Variants in DOCK2 observed in about 807,000 individuals in gnomAD.
The protein encoded by DOCK2 is dedicator of cytokinesis 2, also known as dedicator of cytokinesis protein 2.
Under a neutral mutation model 248.9 loss-of-function variants are expected in DOCK2, and 87 were observed. That is an observed-to-expected ratio of 0.35 (90% CI 0.29 to 0.42). The LOEUF (loss-of-function observed/expected upper bound fraction) is 0.42, where lower values mean the gene tolerates loss of function less well. Ranked by LOEUF, DOCK2 falls within the 10% of genes least tolerant of loss-of-function variation. The probability of loss-of-function intolerance (pLI) is 1.00; values close to 1 mark genes in which losing one functional copy is unlikely to be tolerated. For missense variants in DOCK2, 1,747 were observed against 2,300.2 expected, an observed-to-expected ratio of 0.76 and a Z score of 4.92; for synonymous variants, 805 against 821.6, an observed-to-expected ratio of 0.98 and a Z score of 0.35.
At chr5:169,759,808 G>A in intron 24 of DOCK2, 33 bp downstream of exon 24, 1 of 1,612,782 alleles carries the variant, frequency 6.2e-7, no homozygotes, top group Non-Finnish European at 8.5e-7. Context: ...CTTGGGCTCT[G>A]CTGGCAAGCT....
chr5:169,981,298 G>A (rs1777928234), intron 27 of DOCK2, among the ~76,000 whole-genome samples: 2 of 152,126 alleles, frequency 1.3e-5, no homozygotes, highest in South Asian at 2.1e-4. Context: ...CCACTAGAAC[G>A]AAATTGTAAA....
intron 2 of DOCK2, among the ~76,000 whole-genome samples, chr5:169,668,885 A>G (rs1205978358): frequency 6.6e-6 from 1 of 152,168 alleles, no homozygotes; most frequent in African/African-American, 2.4e-5. Flanking sequence ...GAAGGCAGGA[A>G]TTGAAAGCAT....
intron 46 of DOCK2, 71 bp downstream of exon 46, chr5:170,069,291 C>A: frequency 6.6e-7 from 1 of 1,516,912 alleles, no homozygotes; most frequent in Non-Finnish European, 9.1e-7. Context: ...ACTTGCCCCA[C>A]GCTAGGCTCT....
At chr5:169,693,506 T>C (rs1357794883) in intron 9 of DOCK2, among the ~76,000 whole-genome samples, 1 of 152,136 alleles carries the variant, frequency 6.6e-6, no homozygotes, top group Non-Finnish European at 1.5e-5. Flanking sequence ...ATAGATGCGA[T>C]GTCTAAAGAT....
chr5:170,057,717 C>T, intron 44 of DOCK2, 51 bp downstream of exon 44: 1 of 1,485,478 alleles, frequency 6.7e-7, no homozygotes, highest in Non-Finnish European at 9.1e-7. Context: ...ATGGGCAGGG[C>T]ACAGCCAGTC....
At chr5:170,015,650 G>C (rs1437501640) in intron 32 of DOCK2, among the ~76,000 whole-genome samples, 1 of 152,050 alleles carries the variant, frequency 6.6e-6, no homozygotes, top group Non-Finnish European at 1.5e-5. Flanking sequence ...TGAAATCCAG[G>C]GAGTCGTAAC....
chr5:169,805,872 G>A (rs1481070626), intron 26 of DOCK2, among the ~76,000 whole-genome samples: 1 of 152,198 alleles, frequency 6.6e-6, no homozygotes, highest in African/African-American at 2.4e-5. Context: ...GCCTCTGAGT[G>A]CAGTGCTCTT....
chr5:169,670,938 TG>T, intron 4 of DOCK2, 139 bp from the exon 5 acceptor site: 1 of 661,012 alleles, frequency 1.5e-6, no homozygotes, highest in Non-Finnish European at 2.6e-6. Flanking sequence ...ATAATGTAGT[TG>T]GTGTGGCTAT....
At chr5:169,772,481 G>A (rs553942682) in intron 25 of DOCK2, among the ~76,000 whole-genome samples, 7 of 152,248 alleles carry the variant, frequency 4.6e-5, no homozygotes, top group African/African-American at 9.6e-5. Context: ...AGCAACTGAC[G>A]TTTATTGACT....
chr5:169,961,557 A>T (rs1777086016), intron 27 of DOCK2, among the ~76,000 whole-genome samples: 1 of 152,232 alleles, frequency 6.6e-6, no homozygotes, highest in Non-Finnish European at 1.5e-5. Context: ...GACTAAGCAG[A>T]CATTTCTCTG....
intron 27 of DOCK2, among the ~76,000 whole-genome samples, chr5:169,967,291 G>C (rs139668745): frequency 6.6e-6 from 1 of 152,196 alleles, no homozygotes; most frequent in African/African-American, 2.4e-5. Context: ...TTTCAAATAC[G>C]GGACCTGAAG....
At chr5:169,849,138 C>T (rs898145331) in intron 27 of DOCK2, among the ~76,000 whole-genome samples, 2 of 152,232 alleles carry the variant, frequency 1.3e-5, no homozygotes, top group African/African-American at 2.4e-5. Context: ...GGCCTTCACT[C>T]AGCACCCCTG....
intron 27 of DOCK2, among the ~76,000 whole-genome samples, chr5:169,886,283 T>C (rs1772964114): frequency 6.6e-6 from 1 of 152,142 alleles, no homozygotes; most frequent in Non-Finnish European, 1.5e-5. Flanking sequence ...CTTCTGAGAG[T>C]GGCATTGTCA....
At chr5:170,019,287 C>A (rs571152364) in intron 33 of DOCK2, among the ~76,000 whole-genome samples, 179 bp downstream of exon 33, 6 of 152,164 alleles carry the variant, frequency 3.9e-5, no homozygotes, top group Admixed American at 3.9e-4. Flanking sequence ...TTCTATCAAG[C>A]TTTTCCGTCC....
At chr5:169,673,134 G>A (rs981375018) in intron 5 of DOCK2, among the ~76,000 whole-genome samples, 1 of 152,098 alleles carries the variant, frequency 6.6e-6, no homozygotes, top group African/African-American at 2.4e-5. Context: ...GGTGGGGCAG[G>A]TGGAGGGGAG....
chr5:169,658,224 A>T (rs1196287116), intron 2 of DOCK2, among the ~76,000 whole-genome samples: 1 of 152,074 alleles, frequency 6.6e-6, no homozygotes, highest in Non-Finnish European at 1.5e-5. Context: ...ATTTTTATTT[A>T]TATCCCAGCA....
intron 27 of DOCK2, among the ~76,000 whole-genome samples, chr5:169,889,085 G>A (rs917891408): frequency 2.0e-4 from 30 of 152,076 alleles, no homozygotes; most frequent in African/African-American, 7.0e-4. Flanking sequence ...TTACCCCTCC[G>A]CTTGACACAG....
chr5:169,743,504 C>T (rs879191257), intron 22 of DOCK2, among the ~76,000 whole-genome samples: 29 of 152,182 alleles, frequency 1.9e-4, no homozygotes, highest in Non-Finnish European at 3.8e-4. Context: ...GTTTACTTAA[C>T]GCTGATTAAA....
intron 26 of DOCK2, among the ~76,000 whole-genome samples, chr5:169,827,071 A>C (rs1416398670): frequency 1.3e-5 from 2 of 152,140 alleles, no homozygotes; most frequent in African/African-American, 4.8e-5. Context: ...TTGTAGAATA[A>C]CAATACTTGA....
Sources: gnomAD v4.1 joint callset for allele counts (sites outside exome capture counted in the v4.1 genomes callset) on GRCh38, gnomAD v4.1.1 for gene constraint, MANE v1.5 for transcripts, NCBI Gene and HGNC (gene_info 2026-07-23, HGNC 2026-07-21) for gene names.